The following RPS6KC1 variants were observed in gnomAD, a reference collection of about 807,000 sequenced individuals.
The protein encoded by RPS6KC1 is ribosomal protein S6 kinase C1, also known as inactive ribosomal protein S6 kinase delta-1.
Under a neutral mutation model 103.8 loss-of-function variants are expected in RPS6KC1, and 54 were observed. The ratio of observed to expected loss-of-function variants is 0.52; its 90% CI spans 0.42 to 0.65. The LOEUF (loss-of-function observed/expected upper bound fraction) is 0.65. Ranked by LOEUF, RPS6KC1 falls within the 30% of genes least tolerant of loss-of-function variation. The pLI is 0.00. For synonymous variants in RPS6KC1, 439 were observed against 438.7 expected, an observed-to-expected ratio of 1.00 and a Z score of -0.01; for missense variants, 1,151 against 1,253.8, an observed-to-expected ratio of 0.92 and a Z score of 1.24.
At chr1:213,563,133 C>T in the RPS6KC1 span, among the ~76,000 whole-genome samples, 1 of 152,080 alleles carries the variant, frequency 6.6e-6, no homozygotes, top group African/African-American at 2.4e-5. Context: ...ATTTTTGTTT[C>T]ATATATTTCA....
the RPS6KC1 span, among the ~76,000 whole-genome samples, chr1:213,349,550 G>A: frequency 6.6e-6 from 1 of 152,158 alleles, no homozygotes; most frequent in Admixed American, 6.5e-5. Flanking sequence ...ACTCAGGCTG[G>A]AGTCAAATGC....
chr1:213,856,664 A>C, the RPS6KC1 span, among the ~76,000 whole-genome samples: 1 of 152,348 alleles, frequency 6.6e-6, no homozygotes, highest in South Asian at 2.1e-4. Context: ...AAATCTAAGT[A>C]TTGCACCAAG....
the RPS6KC1 span, among the ~76,000 whole-genome samples, chr1:213,594,140 C>T: frequency 2.6e-5 from 4 of 152,154 alleles, no homozygotes; most frequent in Non-Finnish European, 4.4e-5. Flanking sequence ...GTTGGGACTA[C>T]AGGTGTGAGC....
chr1:213,471,582 A>G, the RPS6KC1 span, among the ~76,000 whole-genome samples: 2 of 152,118 alleles, frequency 1.3e-5, no homozygotes, highest in African/African-American at 4.8e-5. Context: ...GCATCATGAG[A>G]AGCCAAATGT....
the RPS6KC1 span, among the ~76,000 whole-genome samples, chr1:213,378,244 A>C: frequency 6.6e-6 from 1 of 152,246 alleles, no homozygotes; most frequent in Non-Finnish European, 1.5e-5. Flanking sequence ...GTTCTAGAAT[A>C]ACTGGCTTTG....
the RPS6KC1 span, among the ~76,000 whole-genome samples, chr1:213,822,835 C>T: frequency 4.6e-5 from 7 of 152,128 alleles, no homozygotes; most frequent in African/African-American, 1.7e-4. Flanking sequence ...GGGTTGTTTC[C>T]TAGATTAGTG....
chr1:213,578,683 T>G, the RPS6KC1 span, among the ~76,000 whole-genome samples: 1 of 152,156 alleles, frequency 6.6e-6, no homozygotes, highest in African/African-American at 2.4e-5. Flanking sequence ...AGCCCCTTCA[T>G]TTTGGCCAAT....
rs1255169402 is a variant in RPS6KC1, at chr1:213,273,453, T to C, written c.*819T>C. On this transcript the variant is annotated 3_prime_UTR_variant, in exon 15 of 15. Coordinates refer to ENST00000366960, the MANE Select transcript of RPS6KC1 (RefSeq NM_012424.6). ...AAGAAATCATGATATCAAATAAACA[T>C]GGTGAAACATTAGATCTCTTCTTCA... The C allele has an allele frequency of 6.6e-6, 1 of 152,662 alleles. No individual in the cohort carries two copies. Among genetic ancestry groups the C allele is most frequent in the African/African-American group, 2.4e-5 (1 of 41,456 alleles). 9.5% of individuals were successfully genotyped at this position (152,662 alleles called of 1,614,324 possible).
the RPS6KC1 span, among the ~76,000 whole-genome samples, chr1:213,686,912 G>C: frequency 6.6e-6 from 1 of 152,162 alleles, no homozygotes; most frequent in Non-Finnish European, 1.5e-5. Flanking sequence ...TTCTGGAACC[G>C]AGAGTTCCTC....
chr1:213,499,069 C>T, the RPS6KC1 span, among the ~76,000 whole-genome samples: 65 of 152,080 alleles, frequency 4.3e-4, no homozygotes, highest in African/African-American at 1.5e-3. Flanking sequence ...CATGAGTCAC[C>T]GTGCCCGGCC....
At chr1:213,332,148 A>G in the RPS6KC1 span, among the ~76,000 whole-genome samples, 1 of 152,162 alleles carries the variant, frequency 6.6e-6, no homozygotes, top group Non-Finnish European at 1.5e-5. Flanking sequence ...TGGGTGTTAC[A>G]AGGACAGAGC....
At chr1:213,654,732 G>A in the RPS6KC1 span, among the ~76,000 whole-genome samples, 12 of 152,106 alleles carry the variant, frequency 7.9e-5, no homozygotes, top group Non-Finnish European at 5.9e-5. Context: ...CCCAGTTTTT[G>A]CTGCCTGTCT....
the RPS6KC1 span, among the ~76,000 whole-genome samples, chr1:213,655,070 T>C: frequency 6.6e-6 from 1 of 152,226 alleles, no homozygotes; most frequent in African/African-American, 2.4e-5. Context: ...TGAGAAAAAG[T>C]CTCATTCTGT....
intron 3 of RPS6KC1, among the ~76,000 whole-genome samples, chr1:213,098,866 T>A (rs1233368268): frequency 6.6e-6 from 1 of 152,192 alleles, no homozygotes; most frequent in African/African-American, 2.4e-5. Flanking sequence ...GCAGTATCTG[T>A]GAAGAGCAGT....
chr1:213,262,573 C>G, intron 13 of RPS6KC1, 148 bp from the exon 14 acceptor site: 1 of 622,708 alleles, frequency 1.6e-6, no homozygotes, highest in Non-Finnish European at 2.9e-6. Context: ...AGCCCTCATC[C>G]TAAACTGCTT....
At chr1:213,162,924 A>G (rs559934811) in intron 6 of RPS6KC1, among the ~76,000 whole-genome samples, 18 of 152,340 alleles carry the variant, frequency 1.2e-4, no homozygotes, top group African/African-American at 4.1e-4. Context: ...ACTAAATGCA[A>G]ATGGAAATCA....
the RPS6KC1 span, among the ~76,000 whole-genome samples, chr1:213,654,327 G>A: frequency 1.1e-4 from 16 of 152,220 alleles, no homozygotes; most frequent in Non-Finnish European, 1.5e-4. Context: ...AGCTGCAGGC[G>A]TTCAACTTGT....
the RPS6KC1 span, among the ~76,000 whole-genome samples, chr1:213,771,241 C>T: frequency 6.6e-6 from 1 of 151,890 alleles, no homozygotes; most frequent in Non-Finnish European, 1.5e-5. Context: ...ATTGAGGTCC[C>T]GAGTGGTATC....
the RPS6KC1 span, among the ~76,000 whole-genome samples, chr1:213,795,330 G>T: frequency 6.6e-6 from 1 of 152,212 alleles, no homozygotes; most frequent in Non-Finnish European, 1.5e-5. Context: ...TCTATGAACA[G>T]AGTTCAGGGT....
Sources: gnomAD v4.1 joint callset for allele counts (sites outside exome capture counted in the v4.1 genomes callset) on GRCh38, gnomAD v4.1.1 for gene constraint, MANE v1.5 for transcripts, NCBI Gene and HGNC (gene_info 2026-07-23, HGNC 2026-07-21) for gene names.